The following CHST8 variants were observed in gnomAD, a reference collection of about 807,000 sequenced individuals.
The protein encoded by CHST8 is carbohydrate sulfotransferase 8, also known as GALNAC-4-ST1.
A neutral mutation model predicts 15.0 loss-of-function variants in CHST8; 10 were observed. That is an observed-to-expected ratio of 0.67 (90% CI 0.41 to 1.13). CHST8 has a LOEUF of 1.13. Among genes scored for constraint, CHST8 ranks in the 50% most tolerant of loss-of-function variants. The pLI, the probability that CHST8 is intolerant of heterozygous loss-of-function variation, is 0.00. For synonymous variants in CHST8, 259 were observed against 256.6 expected (o/e 1.01, Z -0.09); for missense variants, 634 against 608.2 (o/e 1.04, Z -0.45).
chr19:33,761,673 G>A (rs1442453588), intron 3 of CHST8, among the ~76,000 whole-genome samples: 1 of 151,380 alleles, frequency 6.6e-6, no homozygotes, highest in Admixed American at 6.6e-5. Context: ...ATGTATATAT[G>A]TATATATTTT....
At chr19:33,697,180 C>G (rs969858147) in intron 3 of CHST8, among the ~76,000 whole-genome samples, 2 of 151,814 alleles carry the variant, frequency 1.3e-5, no homozygotes, top group Non-Finnish European at 2.9e-5. Flanking sequence ...ATGTCCTGTG[C>G]CCACTTTTTG....
intron 2 of CHST8, among the ~76,000 whole-genome samples, chr19:33,681,531 T>C (rs982636767): frequency 6.6e-6 from 1 of 152,106 alleles, no homozygotes; most frequent in Non-Finnish European, 1.5e-5. Flanking sequence ...AGTTCCCTGG[T>C]GAGGGACAGG....
chr19:33,669,506 A>G (rs1037684415), intron 2 of CHST8, among the ~76,000 whole-genome samples: 3 of 152,146 alleles, frequency 2.0e-5, no homozygotes, highest in Non-Finnish European at 4.4e-5. Context: ...TGTGGTTTTT[A>G]TTTCTTCCTG....
In CHST8 at chr19:33,705,691, T is replaced by A. The variant is rs2192629; in HGVS notation, c.130+16300T>A. On this transcript the variant is annotated intron_variant, in intron 3 of 4. Coordinates refer to ENST00000650847, the MANE Select transcript of CHST8 (RefSeq NM_001127895.2). ...CCACAGTGATGGGGTGTGGCAGGCATGGCCACCCTGGCTCCCTTTCTGCCC... is the reference window on the plus strand; with the variant it reads ...CCACAGTGATGGGGTGTGGCAGGCAAGGCCACCCTGGCTCCCTTTCTGCCC... Among the ~76,000 whole-genome samples, 8 of 152,210 alleles carry A rather than the reference T, an allele frequency of 5.3e-5. No individual in the cohort carries two copies. The East Asian group carries it at 1.5e-3, about 29-fold the overall frequency.
chr19:33,660,745 A>C (rs551538933), intron 1 of CHST8, among the ~76,000 whole-genome samples: 1 of 152,308 alleles, frequency 6.6e-6, no homozygotes, highest in East Asian at 1.9e-4. Context: ...TTCAGTTTGC[A>C]TGCAATTGAA....
At chr19:33,649,716 C>CAGCA (rs1205730136) in intron 1 of CHST8, among the ~76,000 whole-genome samples, 1 of 152,206 alleles carries the variant, frequency 6.6e-6, no homozygotes, top group East Asian at 1.9e-4. Flanking sequence ...ATTCAGTGCA[C>CAGCA]AGCAGCCTCT....
chr19:33,709,533 G>C (rs1265973701), intron 3 of CHST8, among the ~76,000 whole-genome samples: 1 of 151,870 alleles, frequency 6.6e-6, no homozygotes, highest in Non-Finnish European at 1.5e-5. Flanking sequence ...TGATACATTA[G>C]CCTCACATTC....
chr19:33,757,446 GA>G lies in CHST8; in HGVS notation c.131-13964del, dbSNP rs1175483059. Among the ~76,000 whole-genome samples the G allele has an allele frequency of 2.6e-4, 7 of 27,098 alleles. 1 individual carries two copies. The South Asian group carries it at 4.0e-3, about 15-fold the overall frequency. 17.8% of individuals were successfully genotyped at this position (27,098 alleles called of 152,430 possible). The stretch of plus-strand genomic sequence containing the variant: ...AGAAAGAAAGAAAGAAAGAAAGAAA[GA>G]AAGAAAGAAAGAAAGAAAGAAAGAA... On this transcript the variant is annotated intron_variant, in intron 3 of 4. Coordinates refer to ENST00000650847, the MANE Select transcript of CHST8 (RefSeq NM_001127895.2).
At chr19:33,703,968 G>A (rs1236270325) in intron 3 of CHST8, among the ~76,000 whole-genome samples, 1 of 152,210 alleles carries the variant, frequency 6.6e-6, no homozygotes, top group African/African-American at 2.4e-5. Flanking sequence ...GTGGGGGGTG[G>A]AGGAGCTCCT....
chr19:33,641,181 C>T (rs1210966962), intron 1 of CHST8, among the ~76,000 whole-genome samples: 2 of 152,200 alleles, frequency 1.3e-5, no homozygotes, highest in Admixed American at 6.5e-5. Flanking sequence ...TCCCTACAAA[C>T]CTGTCTGCAC....
intron 3 of CHST8, among the ~76,000 whole-genome samples, chr19:33,761,320 C>T (rs8104500): frequency 0.25 from 38,210 of 151,740 alleles, 5,014 homozygotes; most frequent in African/African-American, 0.27. Flanking sequence ...ATAGTGAGAC[C>T]TTGCCTCTAT....
At chr19:33,699,379 G>GATTGGGAAC (rs1973288611) in intron 3 of CHST8, among the ~76,000 whole-genome samples, 1 of 152,178 alleles carries the variant, frequency 6.6e-6, no homozygotes, top group African/African-American at 2.4e-5. Context: ...CCTGGCCCTG[G>GATTGGGAAC]CTCAGCGGCG....
chr19:33,678,853 A>G (rs1348138065), intron 2 of CHST8, among the ~76,000 whole-genome samples: 1 of 152,066 alleles, frequency 6.6e-6, no homozygotes, highest in Non-Finnish European at 1.5e-5. Context: ...CAACCACTGG[A>G]CTCCACATGA....
chr19:33,759,218 T>C (rs1250799488), intron 3 of CHST8, among the ~76,000 whole-genome samples: 1 of 152,200 alleles, frequency 6.6e-6, no homozygotes, highest in Non-Finnish European at 1.5e-5. Flanking sequence ...GACAGCCCCT[T>C]TATGGGGCCA....
intron 3 of CHST8, among the ~76,000 whole-genome samples, chr19:33,738,922 G>A (rs1974135716): frequency 6.6e-6 from 1 of 152,122 alleles, no homozygotes; most frequent in East Asian, 1.9e-4. Context: ...TGTGCATACT[G>A]TTCTGTGGCT....
intron 1 of CHST8, among the ~76,000 whole-genome samples, chr19:33,630,489 C>T (rs566516467): frequency 1.3e-5 from 2 of 151,490 alleles, no homozygotes; most frequent in Non-Finnish European, 2.9e-5. Flanking sequence ...GGCAGTCCGC[C>T]TACACTGACG....
At chr19:33,636,579 G>C (rs1306988433) in intron 1 of CHST8, among the ~76,000 whole-genome samples, 1 of 152,164 alleles carries the variant, frequency 6.6e-6, no homozygotes, top group Non-Finnish European at 1.5e-5. Context: ...ATTCGGGCAA[G>C]TACATACCGT....
intron 3 of CHST8, among the ~76,000 whole-genome samples, chr19:33,734,266 C>T (rs1974042886): frequency 6.6e-6 from 1 of 152,126 alleles, no homozygotes; most frequent in Non-Finnish European, 1.5e-5. Flanking sequence ...AAGAAGTTAC[C>T]CTATATGGTC....
intron 1 of CHST8, among the ~76,000 whole-genome samples, chr19:33,655,047 C>A (rs1007476564): frequency 6.6e-6 from 1 of 152,090 alleles, no homozygotes; most frequent in African/African-American, 2.4e-5. Flanking sequence ...TCACTTGAGC[C>A]CAGGAGTCTG....
Sources: gnomAD v4.1 joint callset for allele counts (sites outside exome capture counted in the v4.1 genomes callset) on GRCh38, gnomAD v4.1.1 for gene constraint, MANE v1.5 for transcripts, NCBI Gene and HGNC (gene_info 2026-07-23, HGNC 2026-07-21) for gene names.